The following STAT2 variants were observed in gnomAD, a reference collection of about 807,000 sequenced individuals.
STAT2 encodes interferon alpha induced transcriptional activator.
A neutral mutation model predicts 122.3 loss-of-function variants in STAT2; 51 were observed. The observed-to-expected ratio is 0.42, with a 90% CI of 0.33 to 0.53. STAT2 has a LOEUF of 0.53. STAT2 is among the 20% of genes least tolerant of loss of function. The pLI is 0.10. For missense variants in STAT2, 736 were observed against 1,010.3 expected, an observed-to-expected ratio of 0.73 and a Z score of 3.68; for synonymous variants, 351 against 394.9, an observed-to-expected ratio of 0.89 and a Z score of 1.32.
chr12:56,354,356 T>G, intron 8 of STAT2, 110 bp downstream of exon 8: 1 of 1,534,954 alleles, frequency 6.5e-7, no homozygotes, highest in African/African-American at 1.4e-5. Context: ...CAGGGCTCAT[T>G]CTGGGGAGCA....
In STAT2 at chr12:56,344,099, CT is replaced by C; in HGVS notation, c.2138del (p.Lys713SerfsTer9). The C allele has an allele frequency of 6.3e-7, 1 of 1,576,114 alleles. No individual in the cohort carries two copies. Among genetic ancestry groups the C allele is most frequent in the Non-Finnish European group, 8.6e-7 (1 of 1,159,552 alleles). On this transcript the variant is annotated frameshift_variant, in exon 23 of 24. Coordinates refer to ENST00000314128, the MANE Select transcript of STAT2 (RefSeq NM_005419.4). LOFTEE classifies it high-confidence loss of function. ...VDELQQPLEL[K>X]PEPELESLEL... ...CTAATGACTCCAGCTCTGGCTCTGG[CT>C]TAAGCTCCAGCGGTTGTTGCAGTTC...
In STAT2 at chr12:56,343,299, C is replaced by T. The variant is rs1306156911; in HGVS notation, c.*90G>A. Reference sequence around the variant, plus strand: ...CAGTTAACACAGCTTGGAAGGGACACATGCCTGATTCCCATCCTTGGAGAA... The same window carrying T: ...CAGTTAACACAGCTTGGAAGGGACATATGCCTGATTCCCATCCTTGGAGAA... On this transcript the variant is annotated 3_prime_UTR_variant, in exon 24 of 24. Transcript: ENST00000314128. The T allele has an allele frequency of 2.0e-6, 3 of 1,537,370 alleles. No homozygotes were observed. The highest frequency in any genetic ancestry group is 1.4e-5 in the African/African-American group (1 of 73,088).
chr12:56,355,550 G>C lies in STAT2; in HGVS notation c.382-18C>G, dbSNP rs1269536865. The C allele has an allele frequency of 1.2e-5, 19 of 1,614,038 alleles. No homozygotes were observed. Among genetic ancestry groups the C allele is most frequent in the African/African-American group, 2.7e-5 (2 of 75,038 alleles). ...CCTTGTTCCTGAAAAAAGAGGCTCT[G>C]AGCACGTTTTAACTCTGGCCTTTCA... On this transcript the variant is annotated intron_variant, in intron 4 of 23. Coordinates refer to ENST00000314128, the MANE Select transcript of STAT2 (RefSeq NM_005419.4).
At position 56,354,784 on chromosome 12, in the gene STAT2, C is replaced by A. The variant is rs1879257189; in HGVS notation, c.627G>T (p.Arg209Ser). 1 of 1,614,228 alleles carries A rather than the reference C, an allele frequency of 6.2e-7. No individual in the cohort carries two copies. The highest frequency in any genetic ancestry group is 1.7e-5 in the Admixed American group (1 of 60,030). ...TCTGTCCTCTGTCTCCCACCTTTCT[C>A]CTTTTGTCCAGTTCATTGAGAGTTT... ...LQETLNELDK[R>S]RKEVLDASKA... Residue 209 changes from arginine to serine, a missense_variant, in exon 7 of 24, where the codon AGG becomes AGT. By Grantham distance (110) the Arg-to-Ser change is moderately radical. Coordinates refer to ENST00000314128, the MANE Select transcript of STAT2 (RefSeq NM_005419.4).
Position 56,348,906 on chromosome 12 carries a change from A to T in STAT2, c.1576+18T>A, listed in dbSNP as rs200578923. On this transcript the variant is annotated intron_variant, in intron 17 of 23. Transcript: ENST00000314128. ...AGACTAAGGCTGGGGAAAGGCTGAG[A>T]GAAAAGGAAATCTGTACCGAACAGC... 3.3e-5 allele frequency: 54 copies of T among 1,613,214 alleles called. No individual in the cohort carries two copies. In the African/African-American group the frequency reaches 6.7e-4, roughly 20 times the overall value.
Position 56,356,463 on chromosome 12 carries a change from C to A in STAT2, c.109G>T (p.Val37Phe), listed in dbSNP as rs144812882. 8.8e-5 allele frequency: 142 copies of A among 1,614,074 alleles called. No homozygotes were observed. The highest frequency in any genetic ancestry group is 6.0e-4 in the Admixed American group (36 of 60,022). The change falls in exon 2 of 24, where the codon GTC becomes TTC. Residue 37 changes from valine to phenylalanine, a missense_variant. Physicochemically the swap from Val to Phe is conservative, Grantham distance 50 (BLOSUM62 -1). Transcript: ENST00000314128. ...CACCAGTTCTGGTCTTCAATCCAGA[C>A]AGCCAAGTACTGTCGAATGTCCACA... ...LPVDIRQYLA[V>F]WIEDQNWQEA...
intron 19 of STAT2, 46 bp from the exon 20 acceptor site, chr12:56,347,001 C>A: frequency 6.2e-7 from 1 of 1,600,108 alleles, no homozygotes. Context: ...ACACCCTGCC[C>A]CACCAGGCCC....
chr12:56,351,262 T>A, intron 9 of STAT2, 30 bp downstream of exon 9: 1 of 1,612,284 alleles, frequency 6.2e-7, no homozygotes, highest in South Asian at 1.1e-5. Flanking sequence ...GTTCCTTCTT[T>A]CCCCCAGGGT....
rs2066817 is a variant in STAT2 at position 56,354,589 on chromosome 12, A to G, written c.659T>C (p.Leu220Pro). Residue 220 changes from leucine to proline, a missense_variant, in exon 8 of 24, where the codon CTG becomes CCG. Transcript: ENST00000314128. ...RKEVLDASKA[L>P]LGRLTTLIEL... is the part of the protein sequence containing the mutation. ...GATTAGGGTAGTTAATCGGCCTAGC[A>G]GTGCTTTGGAGGCATCCAGCACCTC... is the stretch of plus-strand genomic sequence containing the variant. The G allele has an allele frequency of 2.5e-6, 4 of 1,614,084 alleles. No homozygotes were observed. The highest frequency in any genetic ancestry group is 3.4e-6 in the Non-Finnish European group (4 of 1,180,046).
chr12:56,356,619 T>A (rs1437121335), intron 1 of STAT2, 41 bp from the exon 2 acceptor site: 2 of 1,605,700 alleles, frequency 1.2e-6, no homozygotes, highest in South Asian at 2.2e-5. Flanking sequence ...GATATTTTGC[T>A]GGACTAAATC....
intron 8 of STAT2, chr12:56,352,305 T>C (rs1475015108): frequency 1.4e-5 from 2 of 140,394 alleles, no homozygotes; most frequent in East Asian, 2.1e-4. Flanking sequence ...CATGAGAAAA[T>C]AGATTCGATT....
chr12:56,348,080 A>G (rs969886793), intron 19 of STAT2, among the ~76,000 whole-genome samples: 1 of 141,684 alleles, frequency 7.1e-6, no homozygotes, highest in African/African-American at 2.5e-5. Flanking sequence ...TATGGCTATT[A>G]TTGGTTGTTT....
chr12:56,348,066 T>C (rs1877782309), intron 19 of STAT2, among the ~76,000 whole-genome samples: 1 of 151,176 alleles, frequency 6.6e-6, no homozygotes, highest in Non-Finnish European at 1.5e-5. Flanking sequence ...TCACAAACAC[T>C]GTTTATGGCT....
Position 56,342,917 on chromosome 12 carries a change from G to A in STAT2, c.*472C>T, listed in dbSNP as rs1876792832. On this transcript the variant is annotated 3_prime_UTR_variant, in exon 24 of 24. Coordinates refer to ENST00000314128, the MANE Select transcript of STAT2 (RefSeq NM_005419.4). ...GGGCTTGAGCCAGGAGTAAAGGAAAGAAGAAAGCAAGTTATCCTAGACATG... is the reference window on the plus strand; with the variant it reads ...GGGCTTGAGCCAGGAGTAAAGGAAAAAAGAAAGCAAGTTATCCTAGACATG... 1 of 153,196 alleles carries A rather than the reference G, an allele frequency of 6.5e-6. No individual in the cohort carries two copies. The highest frequency in any genetic ancestry group is 2.4e-5 in the African/African-American group (1 of 41,458). 9.5% of individuals were successfully genotyped at this position (153,196 alleles called of 1,614,324 possible). A position where few individuals can be genotyped will look rare whatever the true frequency, so the allele number is the denominator to read the frequency against.
At chr12:56,351,562 G>GAAA in intron 8 of STAT2, 112 bp from the exon 9 acceptor site, 1 of 1,036,294 alleles carries the variant, frequency 9.6e-7, no homozygotes, top group South Asian at 1.8e-5. Context: ...CTGGGGGGAA[G>GAAA]AAAAAAAAAG....
At chr12:56,343,575 G>A in intron 23 of STAT2, 44 bp from the exon 24 acceptor site, 1 of 1,598,826 alleles carries the variant, frequency 6.3e-7, no homozygotes, top group Non-Finnish European at 8.5e-7. Flanking sequence ...TCTTAGTTAG[G>A]AGTTCCCAAC....
rs1877562355 is a variant in STAT2 at position 56,346,933 on chromosome 12, G to T, written c.1747C>A (p.Arg583=). The change falls in exon 20 of 24, where the codon CGG becomes AGG. Residue 583 remains arginine (R), a synonymous_variant. Transcript: ENST00000314128. ...TTCAGCAGCCGGCGCTCCTGGCTCCGACTCACAAAGCCCATGATGCGTCTG... is the reference window on the plus strand; with the variant it reads ...TTCAGCAGCCGGCGCTCCTGGCTCCTACTCACAAAGCCCATGATGCGTCTG... ...NDGRIMGFVS[R]SQERRLLKKT... is the part of the protein sequence containing the mutation. The T allele has an allele frequency of 1.9e-6, 3 of 1,614,078 alleles. No homozygotes were observed. Among genetic ancestry groups the T allele is most frequent in the Non-Finnish European group, 2.5e-6 (3 of 1,180,010 alleles).
rs747243330 is a variant in STAT2 at position 56,346,613 on chromosome 12, T to A, written c.1873A>T (p.Ile625Phe). The change falls in exon 21 of 24, where the codon ATC becomes TTC. Residue 625 changes from isoleucine (I) to phenylalanine (F), a missense_variant. Transcript: ENST00000314128. ...TTCGTGTACGGTTGCACAGAGTAGA[T>A]GAGCACCTTGTCTGGAGAGTGAATG... is the stretch of plus-strand genomic sequence containing the variant. ...VEHQDDDKVL[I>F]YSVQPYTKEV... is the part of the protein sequence containing the mutation. 1.9e-6 allele frequency: 3 copies of A among 1,613,986 alleles called. No individual in the cohort carries two copies. The highest frequency in any genetic ancestry group is 2.5e-6 in the Non-Finnish European group (3 of 1,180,020).
intron 11 of STAT2, 124 bp from the exon 12 acceptor site, chr12:56,350,556 A>G (rs11171809): frequency 6.8e-6 from 6 of 878,502 alleles, no homozygotes; most frequent in East Asian, 5.3e-5. Context: ...TGTGGCCTTG[A>G]GAAGAGATGT....
Sources: allele counts gnomAD v4.1 joint callset (sites outside exome capture counted in the v4.1 genomes callset), GRCh38; gene constraint gnomAD v4.1.1; transcripts MANE v1.5; gene names NCBI Gene and HGNC (gene_info 2026-07-23, HGNC 2026-07-21).